The following NCOA3 variants were observed in gnomAD, a reference collection of about 807,000 sequenced individuals.
NCOA3 encodes the protein nuclear receptor coactivator 3, also known as CBP-interacting protein.
A neutral mutation model predicts 158.8 loss-of-function variants in NCOA3; 51 were observed. The observed-to-expected ratio is 0.32, with a 90% CI of 0.26 to 0.41. The LOEUF (loss-of-function observed/expected upper bound fraction) is 0.41, where lower values mean the gene tolerates loss of function less well. NCOA3 is among the 10% of genes least tolerant of loss of function. The pLI, the probability that NCOA3 is intolerant of heterozygous loss-of-function variation, is 1.00. For missense variants in NCOA3, 1,510 were observed against 1,746.6 expected, an observed-to-expected ratio of 0.86 and a Z score of 2.41; for synonymous variants, 537 against 592.4, an observed-to-expected ratio of 0.91 and a Z score of 1.36.
At chr20:47,543,540 T>C (rs1237488134) in intron 1 of NCOA3, among the ~76,000 whole-genome samples, 1 of 151,956 alleles carries the variant, frequency 6.6e-6, no homozygotes, top group African/African-American at 2.4e-5. Flanking sequence ...GAGAGAGTCT[T>C]GCTCTGTTGC....
chr20:47,635,394 C>T lies in NCOA3; in HGVS notation c.1185C>T (p.Asn395=), dbSNP rs753988043. 2 of 1,614,140 alleles carry T rather than the reference C, an allele frequency of 1.2e-6. No homozygotes were observed. Among genetic ancestry groups the T allele is most frequent in the Non-Finnish European group, 8.5e-7 (1 of 1,180,000 alleles). Residue 395 remains asparagine, a synonymous_variant, in exon 11 of 23, where the codon AAC becomes AAT. Transcript: ENST00000371998. ...TTAGACCACCTATGGCTGGATGCAA[C>T]AGTTCGGTAGGCGGCATGAGTATGT... ...QGIRPPMAGC[N]SSVGGMSMSP...
chr20:47,520,405 G>T (rs1034505837), intron 1 of NCOA3, among the ~76,000 whole-genome samples: 1 of 151,950 alleles, frequency 6.6e-6, no homozygotes, highest in Non-Finnish European at 1.5e-5. Flanking sequence ...CCCTCTCCTT[G>T]CCCTTCCCCT....
chr20:47,635,571 C>T lies in NCOA3; in HGVS notation c.1362C>T (p.Tyr454=). 6.2e-7 allele frequency: 1 copy of T among 1,614,168 alleles called. No homozygotes were observed. Among genetic ancestry groups the T allele is most frequent in the Non-Finnish European group, 8.5e-7 (1 of 1,180,042 alleles). Residue 454 remains tyrosine (Y), a synonymous_variant, in exon 11 of 23, where the codon TAC becomes TAT. Transcript: ENST00000371998. ...CAGGCATGCAATCACCATCTTCCTA[C>T]CAGAACAACAACTATGGGCTCAACA... is the stretch of plus-strand genomic sequence containing the variant. The part of the protein sequence containing the change: ...PGPGMQSPSS[Y]QNNNYGLNMS...
chr20:47,531,361 A>AAAC (rs1491456459), intron 1 of NCOA3, among the ~76,000 whole-genome samples: 1 of 152,056 alleles, frequency 6.6e-6, no homozygotes, highest in Non-Finnish European at 1.5e-5. Flanking sequence ...ACAAACAAAC[A>AAAC]AACAAAAAGA....
intron 5 of NCOA3, 86 bp from the exon 6 acceptor site, chr20:47,626,908 AGTTACACT>A (rs1425366551): frequency 5.4e-5 from 62 of 1,152,618 alleles, no homozygotes; most frequent in Non-Finnish European, 6.9e-5. Context: ...TTCCAAATAC[AGTTACACT>A]GATGGTTAGA....
chr20:47,572,568 ACTCT>A (rs2085311592), intron 1 of NCOA3, among the ~76,000 whole-genome samples: 2 of 149,240 alleles, frequency 1.3e-5, no homozygotes, highest in South Asian at 4.3e-4. Flanking sequence ...AGACAGTCTC[ACTCT>A]GTTGCCCAGG....
chr20:47,641,838 C>CT (rs1318391615), intron 16 of NCOA3, among the ~76,000 whole-genome samples: 7 of 152,074 alleles, frequency 4.6e-5, no homozygotes, highest in African/African-American at 1.2e-4. Flanking sequence ...TTTGATTTCT[C>CT]TAATTTTCAA....
chr20:47,537,872 G>C (rs2146121405), intron 1 of NCOA3, among the ~76,000 whole-genome samples: 1 of 152,046 alleles, frequency 6.6e-6, no homozygotes, highest in South Asian at 2.1e-4. Context: ...ATGAGCCACT[G>C]TGCCTGGCTG....
intron 2 of NCOA3, among the ~76,000 whole-genome samples, chr20:47,620,092 C>CTT (rs1568731107): frequency 8.6e-6 from 1 of 116,430 alleles, no homozygotes; most frequent in African/African-American, 3.6e-5. Context: ...CTGCACCTGG[C>CTT]TCTTTAATTA....
intron 8 of NCOA3, chr20:47,630,584 T>TC (rs1382306371): frequency 2.7e-5 from 4 of 147,490 alleles, no homozygotes; most frequent in African/African-American, 9.9e-5. Context: ...TGCCTCAGCC[T>TC]CCCGAGTTGC....
chr20:47,552,078 C>G (rs751536613), intron 1 of NCOA3, among the ~76,000 whole-genome samples: 1 of 152,158 alleles, frequency 6.6e-6, no homozygotes, highest in African/African-American at 2.4e-5. Context: ...CTCAAGGTCA[C>G]TCATCACTCA....
chr20:47,529,381 C>T (rs573543712), intron 1 of NCOA3, among the ~76,000 whole-genome samples: 4 of 151,644 alleles, frequency 2.6e-5, no homozygotes, highest in South Asian at 2.1e-4. Context: ...GGCCTCCCAA[C>T]GTGCTAGGAT....
chr20:47,649,979 C>T (rs1894608072), intron 19 of NCOA3, among the ~76,000 whole-genome samples: 1 of 151,762 alleles, frequency 6.6e-6, no homozygotes, highest in Admixed American at 6.6e-5. Context: ...CTGAGGTGGA[C>T]CCCTGCTTAT....
chr20:47,653,787 C>A lies in NCOA3; in HGVS notation c.*370C>A. ...AAATACACGTAGGTGGGCCAGAGAA[C>A]ATTGGAAGAATCAAGAGAGATTAGA... On this transcript the variant is annotated 3_prime_UTR_variant, in exon 23 of 23. Transcript: ENST00000371998. 3.7e-6 allele frequency: 1 copy of A among 269,340 alleles called. No homozygotes were observed. 16.7% of individuals were successfully genotyped at this position (269,340 alleles called of 1,614,324 possible).
chr20:47,627,243 G>T, intron 6 of NCOA3, 67 bp downstream of exon 6: 3 of 1,302,528 alleles, frequency 2.3e-6, no homozygotes, highest in Non-Finnish European at 3.2e-6. Flanking sequence ...TTAGAAAATT[G>T]AATGTATCTT....
chr20:47,542,029 T>TTTTTTTTTTTTTTTTTTTTTTTTTTTTTG (rs1315473982), intron 1 of NCOA3, among the ~76,000 whole-genome samples: 1 of 76,690 alleles, frequency 1.3e-5, no homozygotes. Flanking sequence ...TTTTTTTTTT[T>TTTTTTTTTTTTTTTTTTTTTTTTTTTTTG]TGTTGTTGTT....
At chr20:47,547,102 T>C (rs1026746384) in intron 1 of NCOA3, among the ~76,000 whole-genome samples, 1 of 152,208 alleles carries the variant, frequency 6.6e-6, no homozygotes, top group Admixed American at 6.5e-5. Context: ...TTTACTTATT[T>C]ATTGTGTTTA....
In NCOA3 at chr20:47,636,107, A is replaced by G. The variant is rs1210834018; in HGVS notation, c.1721A>G (p.Tyr574Cys). ...GATTCCAAGAGTCCTCTGGGCTTTT[A>G]TTGCGACCAAAATCCAGTGGAGAGT... ...NQDSKSPLGF[Y>C]CDQNPVESSM... The change falls in exon 12 of 23, where the codon TAT becomes TGT. Residue 574 changes from tyrosine to cysteine, a missense_variant. Tyr to Cys is a radical substitution (Grantham distance 194, BLOSUM62 -2). This residue lies in a region of NCOA3 where 1,017 missense variants were observed against 1,098.3 expected (regional missense o/e 0.93). Coordinates refer to ENST00000371998, the MANE Select transcript of NCOA3 (RefSeq NM_181659.3). The G allele has an allele frequency of 5.6e-6, 9 of 1,614,100 alleles. No individual in the cohort carries two copies. The highest frequency in any genetic ancestry group is 7.6e-6 in the Non-Finnish European group (9 of 1,180,048).
At chr20:47,581,646 C>T (rs1270112978) in intron 1 of NCOA3, among the ~76,000 whole-genome samples, 1 of 152,108 alleles carries the variant, frequency 6.6e-6, no homozygotes, top group Non-Finnish European at 1.5e-5. Context: ...TATCTTGGTT[C>T]GATACCATTG....
Sources: gnomAD v4.1 joint callset for allele counts (sites outside exome capture counted in the v4.1 genomes callset) on GRCh38, gnomAD v4.1.1 for gene constraint, gnomAD v4.1.1 regional missense constraint, MANE v1.5 for transcripts, NCBI Gene and HGNC (gene_info 2026-07-23, HGNC 2026-07-21) for gene names.